RASAL2: variants seen among roughly 807,000 people sequenced by gnomAD.
RASAL2 encodes the protein ras GTPase-activating protein nGAP.
A neutral mutation model predicts 128.9 loss-of-function variants in RASAL2; 58 were observed. That is an observed-to-expected ratio of 0.45 (90% CI 0.36 to 0.56). The LOEUF is 0.56. RASAL2 is among the 20% of genes least tolerant of loss of function. The pLI is 0.00. For synonymous variants in RASAL2, 561 were observed against 580.8 expected (o/e 0.97, Z 0.49); for missense variants, 1,360 against 1,601.6 (o/e 0.85, Z 2.57).
intron 3 of RASAL2, among the ~76,000 whole-genome samples, chr1:178,350,083 T>C (rs1670378377): frequency 6.6e-6 from 1 of 152,254 alleles, no homozygotes; most frequent in African/African-American, 2.4e-5. Flanking sequence ...TCTTCTTCAC[T>C]AGTTCTTTCA....
At chr1:178,310,796 C>T (rs1001667511) in intron 3 of RASAL2, among the ~76,000 whole-genome samples, 1 of 152,264 alleles carries the variant, frequency 6.6e-6, no homozygotes, top group Middle Eastern at 3.4e-3. Flanking sequence ...CTTGTTATCG[C>T]TGATTTGTAG....
In RASAL2 at chr1:178,457,738, G is replaced by C. The variant is rs746860133; in HGVS notation, c.2446G>C (p.Gly816Arg). 1.2e-6 allele frequency: 2 copies of C among 1,614,172 alleles called. No homozygotes were observed. Among genetic ancestry groups the C allele is most frequent in the South Asian group, 1.1e-5 (1 of 91,084 alleles). The change falls in exon 14 of 18, where the codon GGG becomes CGG. Residue 816 changes from glycine to arginine, a missense_variant. Gly to Arg is a moderately radical substitution (Grantham distance 125, BLOSUM62 -2). Around this residue, in one of 3 missense-constraint regions of RASAL2, gnomAD observed 741 missense variants for 868.6 expected, o/e 0.85. Coordinates refer to ENST00000367649, the MANE Select transcript of RASAL2 (RefSeq NM_170692.4). ...SQDNTDSYFR[G>R]KTLLLVQQAS... ...GGACAACACAGACAGCTACTTCAGA[G>C]GGAAAACATTATTGCTGGTTCAGCA... is the stretch of plus-strand genomic sequence containing the variant.
chr1:178,390,151 C>T lies in RASAL2; in HGVS notation c.509C>T (p.Thr170Ile), dbSNP rs767433897. 22 of 1,613,280 alleles carry T rather than the reference C, an allele frequency of 1.4e-5. No homozygotes were observed. The highest frequency in any genetic ancestry group is 3.3e-5 in the Admixed American group (2 of 59,934). ...PRRRSISGTS[T>I]SEKPNSMDTA... is the part of the protein sequence containing the mutation. ...AGACGGAGTATCTCAGGGACCAGTA[C>T]ATCAGAGAAACCCAACTCCATGGAC... Residue 170 changes from threonine to isoleucine, a missense_variant, in exon 4 of 18, where the codon ACA becomes ATA. Physicochemically the swap from Thr to Ile is moderately conservative, Grantham distance 89. This residue lies in a region of RASAL2 where 617 missense variants were observed against 714.2 expected (regional missense o/e 0.86). Transcript: ENST00000367649.
At chr1:178,328,441 A>G (rs368866632) in intron 3 of RASAL2, among the ~76,000 whole-genome samples, 3 of 152,298 alleles carry the variant, frequency 2.0e-5, no homozygotes, top group African/African-American at 7.2e-5. Flanking sequence ...AAGGTACAAC[A>G]AATTGTTGCT....
intron 1 of RASAL2, among the ~76,000 whole-genome samples, chr1:178,115,372 G>T (rs1205552138): frequency 1.3e-5 from 2 of 152,034 alleles, no homozygotes; most frequent in African/African-American, 4.8e-5. Flanking sequence ...TCCCCAGTCT[G>T]GTTCATCAAT....
intron 15 of RASAL2, among the ~76,000 whole-genome samples, chr1:178,465,210 A>G (rs16852871): frequency 0.068 from 10,421 of 152,220 alleles, 1,153 homozygotes; most frequent in African/African-American, 0.23. Flanking sequence ...GTCATATTAC[A>G]AAAATGGGCA....
At chr1:178,105,466 GA>G (rs1659053990) in intron 1 of RASAL2, among the ~76,000 whole-genome samples, 1 of 152,172 alleles carries the variant, frequency 6.6e-6, no homozygotes, top group Admixed American at 6.5e-5. Flanking sequence ...AAAGTGAAAT[GA>G]AAAAATAATC....
At chr1:178,412,665 A>T (rs1479019210) in intron 4 of RASAL2, among the ~76,000 whole-genome samples, 1 of 152,202 alleles carries the variant, frequency 6.6e-6, no homozygotes, top group Non-Finnish European at 1.5e-5. Flanking sequence ...GTTGATGTTA[A>T]GGTAAATATA....
At chr1:178,131,201 T>C (rs1353990886) in intron 1 of RASAL2, among the ~76,000 whole-genome samples, 1 of 151,918 alleles carries the variant, frequency 6.6e-6, no homozygotes, top group Non-Finnish European at 1.5e-5. Flanking sequence ...GCCTCTTAAA[T>C]GGAAATATTT....
chr1:178,296,312 T>G (rs1344617388), intron 2 of RASAL2, among the ~76,000 whole-genome samples: 1 of 152,086 alleles, frequency 6.6e-6, no homozygotes, highest in African/African-American at 2.4e-5. Flanking sequence ...AGATATCTCC[T>G]TTTCTACTTT....
chr1:178,247,021 A>G lies in RASAL2; in HGVS notation c.203-36543A>G, dbSNP rs545783790. On this transcript the variant is annotated intron_variant, in intron 1 of 17. Coordinates refer to ENST00000367649, the MANE Select transcript of RASAL2 (RefSeq NM_170692.4). ...ATGTTCATCAGGGATATTGGCCTGA[A>G]ATTTTCTTTTTTTGTTGTGTCTTGG... 3.3e-5 allele frequency among the ~76,000 whole-genome samples: 5 copies of G among 152,254 alleles called. No homozygotes were observed. In the South Asian group the frequency reaches 1.0e-3, roughly 32 times the overall value.
At chr1:178,356,439 A>G (rs1670815275) in intron 3 of RASAL2, among the ~76,000 whole-genome samples, 1 of 152,158 alleles carries the variant, frequency 6.6e-6, no homozygotes, top group African/African-American at 2.4e-5. Context: ...AATGGCCCCA[A>G]AATGGATACA....
chr1:178,341,458 ACTGT>A lies in RASAL2; in HGVS notation c.457+41344_457+41347del, dbSNP rs58814649. On this transcript the variant is annotated intron_variant, in intron 3 of 17. Coordinates refer to ENST00000367649, the MANE Select transcript of RASAL2 (RefSeq NM_170692.4). ...TGGCTCTGGCTTTTCTGCATTCCAA[ACTGT>A]CTGAGGCACGAAATGAGAGCAAAAA... is the stretch of plus-strand genomic sequence containing the variant. 0.014 allele frequency: 20,999 copies of A among 1,496,200 alleles called. 2,008 individuals carry two copies. In the African/African-American group the frequency reaches 0.23, roughly 16 times the overall value. 92.7% of individuals were successfully genotyped at this position (1,496,200 alleles called of 1,614,324 possible).
At chr1:178,470,734 C>A (rs985371776) in intron 17 of RASAL2, 3 of 1,365,162 alleles carry the variant, frequency 2.2e-6, no homozygotes, top group South Asian at 1.1e-5. Context: ...GCAAGTAAAC[C>A]CCGCGTCCGT....
At chr1:178,268,476 G>GA in intron 1 of RASAL2, among the ~76,000 whole-genome samples, 1 of 151,656 alleles carries the variant, frequency 6.6e-6, no homozygotes. Flanking sequence ...CAAAAAAAAA[G>GA]AAAAAAAATT....
intron 2 of RASAL2, among the ~76,000 whole-genome samples, chr1:178,285,213 C>T (rs555152072): frequency 7.4e-5 from 11 of 149,180 alleles, no homozygotes; most frequent in East Asian, 5.9e-4. Context: ...CTCCGCTTCC[C>T]GGGTTCACGC....
intron 4 of RASAL2, among the ~76,000 whole-genome samples, chr1:178,395,771 G>GTATATATATATATATATA (rs57664965): frequency 1.5e-5 from 2 of 133,014 alleles, no homozygotes; most frequent in African/African-American, 6.9e-5. Flanking sequence ...TTAATGAACA[G>GTATATATATATATATATA]TATATATATA....
intron 1 of RASAL2, among the ~76,000 whole-genome samples, chr1:178,239,225 C>T (rs1471790702): frequency 6.6e-6 from 1 of 151,902 alleles, no homozygotes; most frequent in Non-Finnish European, 1.5e-5. Context: ...TAGTATATAA[C>T]CATAACCTTG....
At chr1:178,144,519 T>C (rs1280115817) in intron 1 of RASAL2, among the ~76,000 whole-genome samples, 1 of 152,242 alleles carries the variant, frequency 6.6e-6, no homozygotes, top group African/African-American at 2.4e-5. Flanking sequence ...GTATCATCAC[T>C]GTGCTTGACA....
Sources: gnomAD v4.1 joint callset for allele counts (sites outside exome capture counted in the v4.1 genomes callset) on GRCh38, gnomAD v4.1.1 for gene constraint, gnomAD v4.1.1 regional missense constraint, MANE v1.5 for transcripts, NCBI Gene and HGNC (gene_info 2026-07-23, HGNC 2026-07-21) for gene names.